The following FKBP15 variants were observed in gnomAD, a reference collection of about 807,000 sequenced individuals.
FKBP15 encodes FK506-binding protein 15.
FKBP15 carries 106 observed loss-of-function variants against 158.1 expected under a neutral mutation model. The observed-to-expected ratio is 0.67, with a 90% CI of 0.57 to 0.79. FKBP15 has a LOEUF of 0.79. Among genes scored for constraint, FKBP15 ranks in the 30% least tolerant of loss-of-function variants. FKBP15 has a pLI of 0.00. For missense variants in FKBP15, 1,287 were observed against 1,479.1 expected (o/e 0.87, Z 2.13); for synonymous variants, 547 against 548.6 (o/e 1.00, Z 0.04).
chr9:113,162,514 G>A lies in FKBP15; in HGVS notation c.*3564C>T, dbSNP rs935649037. Reference sequence around the variant, plus strand: ...CCTCATTTTCCCCTTTGCCTAGGATGCCAGGAAGCTTGAAACCAAATGTAG... The same window carrying A: ...CCTCATTTTCCCCTTTGCCTAGGATACCAGGAAGCTTGAAACCAAATGTAG... On this transcript the variant is annotated 3_prime_UTR_variant, in exon 28 of 28. Coordinates refer to ENST00000238256, the MANE Select transcript of FKBP15 (RefSeq NM_015258.2). 2.7e-6 allele frequency: 1 copy of A among 373,488 alleles called. No homozygotes were observed. The highest frequency in any genetic ancestry group is 2.2e-5 in the African/African-American group (1 of 45,060). The allele number at this position is 373,488 out of a possible 1,614,324, so 23.1% of individuals were successfully genotyped here.
intron 15 of FKBP15, among the ~76,000 whole-genome samples, chr9:113,185,995 T>A (rs767801026): frequency 2.0e-5 from 3 of 152,050 alleles, no homozygotes; most frequent in Non-Finnish European, 4.4e-5. Flanking sequence ...CAAGGAAACA[T>A]TGGGGGATGA....
At chr9:113,220,050 A>G (rs1284068657) in intron 1 of FKBP15, among the ~76,000 whole-genome samples, 2 of 152,200 alleles carry the variant, frequency 1.3e-5, no homozygotes, top group Non-Finnish European at 2.9e-5. Context: ...TCATTCATCT[A>G]TTAACTCATT....
intron 1 of FKBP15, among the ~76,000 whole-genome samples, chr9:113,216,072 C>A (rs1248922478): frequency 2.0e-5 from 2 of 101,312 alleles, no homozygotes; most frequent in East Asian, 2.9e-4. Flanking sequence ...TGGACACAAC[C>A]TTTATTTTGT....
rs1407450531 is a variant in FKBP15 at position 113,163,328 on chromosome 9, T to G, written c.*2750A>C. ...CTCAGCTCTCCTGCTTTGTGCCTTA[T>G]CTACAGGAGCATCGCCCATTGGACT... On this transcript the variant is annotated 3_prime_UTR_variant, in exon 28 of 28. Coordinates refer to ENST00000238256, the MANE Select transcript of FKBP15 (RefSeq NM_015258.2). 6.4e-6 allele frequency: 1 copy of G among 155,526 alleles called. No homozygotes were observed. Among genetic ancestry groups the G allele is most frequent in the South Asian group, 2.0e-4 (1 of 4,918 alleles). 9.6% of individuals were successfully genotyped at this position (155,526 alleles called of 1,614,324 possible).
chr9:113,188,426 A>G lies in FKBP15; in HGVS notation c.1239T>C (p.His413=). Residue 413 remains histidine (H), a synonymous_variant, in exon 13 of 28, where the codon CAT becomes CAC. Coordinates refer to ENST00000238256, the MANE Select transcript of FKBP15 (RefSeq NM_015258.2). ...TCTGTGGTAACGCTGGATGGGCCGG[A>G]TGAAGAGAGGGCTGGACGGACGGAG... The part of the protein sequence containing the change: ...VVTPSVQPSL[H]PAHPALPQMT... The G allele has an allele frequency of 1.2e-6, 2 of 1,613,582 alleles. No individual in the cohort carries two copies. Among genetic ancestry groups the G allele is most frequent in the Non-Finnish European group, 1.7e-6 (2 of 1,179,774 alleles).
chr9:113,216,165 T>A (rs1346786175), intron 1 of FKBP15, among the ~76,000 whole-genome samples: 1 of 149,326 alleles, frequency 6.7e-6, no homozygotes, highest in Non-Finnish European at 1.5e-5. Flanking sequence ...GTGTCTGGTA[T>A]GTAACAGGCT....
intron 19 of FKBP15, among the ~76,000 whole-genome samples, chr9:113,179,814 T>A (rs1394316922): frequency 6.6e-5 from 10 of 152,118 alleles, no homozygotes; most frequent in Admixed American, 6.6e-4. Flanking sequence ...AAATAGGCTA[T>A]AAATGAGTAT....
chr9:113,190,151 T>C lies in FKBP15; in HGVS notation c.1173+320A>G, dbSNP rs73550250. Among the ~76,000 whole-genome samples the C allele has an allele frequency of 3.4e-3, 519 of 152,304 alleles. 2 individuals carry two copies. Among genetic ancestry groups the C allele is most frequent in the African/African-American group, 0.012 (485 of 41,572 alleles). On this transcript the variant is annotated intron_variant, in intron 12 of 27. Coordinates refer to ENST00000238256, the MANE Select transcript of FKBP15 (RefSeq NM_015258.2). ...TAAACATTCGCTCAATAAATATGAA[T>C]TGAACACCTGCTATGGATTGGGCAT...
At chr9:113,168,406 G>A in intron 27 of FKBP15, 54 bp downstream of exon 27, 1 of 1,480,502 alleles carries the variant, frequency 6.8e-7, no homozygotes, top group East Asian at 2.3e-5. Context: ...AGCCAGTAGG[G>A]AAGAGCCCCC....
intron 1 of FKBP15, among the ~76,000 whole-genome samples, chr9:113,212,032 A>C (rs1831017483): frequency 6.6e-6 from 1 of 152,132 alleles, no homozygotes; most frequent in African/African-American, 2.4e-5. Flanking sequence ...TAGTTTATTC[A>C]ATTGAAATGA....
At chr9:113,203,459 GC>G (rs1182244603) in intron 4 of FKBP15, among the ~76,000 whole-genome samples, 2 of 151,780 alleles carry the variant, frequency 1.3e-5, no homozygotes, top group African/African-American at 4.8e-5. Context: ...GCTCCCTCAT[GC>G]CCTTCCTAGT....
At chr9:113,209,297 T>TA (rs1484754384) in intron 2 of FKBP15, among the ~76,000 whole-genome samples, 3 of 152,078 alleles carry the variant, frequency 2.0e-5, no homozygotes, top group African/African-American at 7.2e-5. Context: ...TTAAGTACAA[T>TA]AAAAAATAAA....
intron 19 of FKBP15, among the ~76,000 whole-genome samples, chr9:113,179,108 T>G (rs1166468519): frequency 1.3e-5 from 2 of 151,982 alleles, no homozygotes; most frequent in Non-Finnish European, 2.9e-5. Context: ...TAGCTCACTG[T>G]AGCCTCGGAC....
chr9:113,168,439 C>T, intron 27 of FKBP15, 21 bp downstream of exon 27: 1 of 1,607,298 alleles, frequency 6.2e-7, no homozygotes, highest in South Asian at 1.1e-5. Flanking sequence ...GAGGACTTGA[C>T]AGTGCCTGGG....
chr9:113,177,461 C>T (rs1830320063), intron 20 of FKBP15, among the ~76,000 whole-genome samples: 1 of 152,276 alleles, frequency 6.6e-6, no homozygotes, highest in Middle Eastern at 3.4e-3. Flanking sequence ...AACACATTTG[C>T]CTCATGTGGG....
At chr9:113,215,371 T>TG (rs369889245) in intron 1 of FKBP15, among the ~76,000 whole-genome samples, 4 of 135,078 alleles carry the variant, frequency 3.0e-5, no homozygotes, top group African/African-American at 1.1e-4. Flanking sequence ...CAAGAAGAGA[T>TG]AAAAAAAAAA....
At chr9:113,176,700 G>A (rs749295730) in intron 20 of FKBP15, 27 bp from the exon 21 acceptor site, 105 of 1,603,886 alleles carry the variant, frequency 6.5e-5, no homozygotes, top group East Asian at 3.6e-4. Flanking sequence ...GAGAGACTTC[G>A]CTACAGAACC....
In FKBP15 at chr9:113,161,169, T is replaced by G. The variant is rs1172517374; in HGVS notation, c.*4909A>C. On this transcript the variant is annotated 3_prime_UTR_variant, in exon 28 of 28. Coordinates refer to ENST00000238256, the MANE Select transcript of FKBP15 (RefSeq NM_015258.2). The stretch of plus-strand genomic sequence containing the variant: ...TTTATCTTTCCTTCCAGACATTTTT[T>G]GCATACTTACATATAAATAGGACCT... 2 of 224,290 alleles carry G rather than the reference T, an allele frequency of 8.9e-6. No homozygotes were observed. The highest frequency in any genetic ancestry group is 4.6e-5 in the African/African-American group (2 of 43,180). The allele number at this position is 224,290 out of a possible 1,614,324, so 13.9% of individuals were successfully genotyped here.
At position 113,206,525 on chromosome 9, in the gene FKBP15, T is replaced by G. The variant is rs1428937060; in HGVS notation, c.308A>C (p.Asn103Thr). The part of the protein sequence containing the change: ...QGKFGAAVLG[N>T]HTAREYRILL... ...CACTCTCACCTCTCTGGCTGTGTGG[T>G]TCCCCAGAACTGCAGCACCAAATTT... The change falls in exon 4 of 28, where the codon AAC becomes ACC. Residue 103 changes from asparagine to threonine, a missense_variant. Coordinates refer to ENST00000238256, the MANE Select transcript of FKBP15 (RefSeq NM_015258.2). The G allele has an allele frequency of 6.2e-7, 1 of 1,613,858 alleles. No homozygotes were observed. Among genetic ancestry groups the G allele is most frequent in the East Asian group, 2.2e-5 (1 of 44,878 alleles).
Sources: allele counts gnomAD v4.1 joint callset (sites outside exome capture counted in the v4.1 genomes callset), GRCh38; gene constraint gnomAD v4.1.1; transcripts MANE v1.5; gene names NCBI Gene and HGNC (gene_info 2026-07-23, HGNC 2026-07-21).